Variants in AKNAD1 observed in about 807,000 individuals in gnomAD.
The protein encoded by AKNAD1 is protein AKNAD1.
AKNAD1 carries 67 observed loss-of-function variants against 90.8 expected under a neutral mutation model. That is an observed-to-expected ratio of 0.74 (90% CI 0.61 to 0.90). AKNAD1 has a LOEUF of 0.90. Ranked by LOEUF, AKNAD1 falls within the 40% of genes least tolerant of loss-of-function variation. AKNAD1 has a pLI of 0.00. For synonymous variants in AKNAD1, 327 were observed against 341.4 expected (o/e 0.96, Z 0.46); for missense variants, 957 against 975.4 (o/e 0.98, Z 0.25).
At chr1:108,829,403 T>C (rs746601850) in intron 10 of AKNAD1, among the ~76,000 whole-genome samples, 127 of 152,334 alleles carry the variant, frequency 8.3e-4, no homozygotes, top group Non-Finnish European at 1.6e-3. Flanking sequence ...TAAAAATGGT[T>C]CTTTAATGTC....
At position 108,837,698 on chromosome 1, in the gene AKNAD1, T is replaced by A; in HGVS notation, c.1388A>T (p.Glu463Val). The A allele has an allele frequency of 6.2e-7, 1 of 1,614,130 alleles. No individual in the cohort carries two copies. Among genetic ancestry groups the A allele is most frequent in the Non-Finnish European group, 8.5e-7 (1 of 1,179,986 alleles). Residue 463 changes from glutamate (E) to valine (V), a missense_variant, in exon 7 of 16, where the codon GAA becomes GTA. Glu to Val is a moderately radical substitution (Grantham distance 121). Coordinates refer to ENST00000370001, the MANE Select transcript of AKNAD1 (RefSeq NM_152763.5). ...CATCTCCAATTTGAAGATTTCACCT[T>A]CCACTTTTCTAAGTAAACATAAACA... ...VGDFDPERKV[E>V]GEIFKLEMLL...
chr1:108,830,764 A>G (rs2101178835), intron 9 of AKNAD1, 114 bp from the exon 10 acceptor site: 1 of 963,814 alleles, frequency 1.0e-6, no homozygotes. Context: ...CACCTCAGGC[A>G]GAGAGACTCG....
At chr1:108,845,234 C>G (rs1192887305) in intron 5 of AKNAD1, among the ~76,000 whole-genome samples, 2 of 152,228 alleles carry the variant, frequency 1.3e-5, no homozygotes, top group Non-Finnish European at 2.9e-5. Flanking sequence ...GGTTCATCCT[C>G]TTTCTCTGTG....
chr1:108,841,582 T>TA (rs1352654188), intron 6 of AKNAD1, among the ~76,000 whole-genome samples: 2 of 152,208 alleles, frequency 1.3e-5, no homozygotes, highest in African/African-American at 4.8e-5. Context: ...GAGAAGGCTT[T>TA]AATAAGAGCA....
chr1:108,848,975 C>A lies in AKNAD1; in HGVS notation c.1119G>T (p.Lys373Asn), dbSNP rs770587292. Residue 373 changes from lysine to asparagine, a missense_variant, in exon 4 of 16, where the codon AAG becomes AAT. Coordinates refer to ENST00000370001, the MANE Select transcript of AKNAD1 (RefSeq NM_152763.5). ...GACACATCTGTTTCCCTTGGGATAT[C>A]TTTTGAAATATGTAAGAAGAACTTG... ...TSSSSSYIFQ[K>N]ISQGKQMCQK... The A allele has an allele frequency of 1.3e-5, 21 of 1,611,164 alleles. No individual in the cohort carries two copies. The African/African-American group carries it at 2.1e-4, about 16-fold the overall frequency.
At chr1:108,826,751 T>G (rs1157960438) in intron 11 of AKNAD1, among the ~76,000 whole-genome samples, 3 of 148,666 alleles carry the variant, frequency 2.0e-5, no homozygotes, top group Non-Finnish European at 4.5e-5. Flanking sequence ...TCTTTTTTTT[T>G]TTTTTTGAAA....
At chr1:108,836,400 C>T (rs1023587051) in intron 7 of AKNAD1, among the ~76,000 whole-genome samples, 6 of 151,202 alleles carry the variant, frequency 4.0e-5, no homozygotes, top group African/African-American at 1.5e-4. Context: ...AAGATGAGTG[C>T]AGAGTCACAG....
chr1:108,834,886 T>C, intron 8 of AKNAD1, 43 bp downstream of exon 8: 1 of 1,499,322 alleles, frequency 6.7e-7, no homozygotes, highest in Admixed American at 2.5e-5. Flanking sequence ...AGGGGCCTCT[T>C]TCTGTGTCCT....
At position 108,826,988 on chromosome 1, in the gene AKNAD1, C is replaced by T. The variant is rs189326009; in HGVS notation, c.1936+217G>A. Among the ~76,000 whole-genome samples the T allele has an allele frequency of 1.4e-3, 209 of 151,556 alleles. 3 individuals carry two copies. The highest frequency in any genetic ancestry group is 0.014 in the Middle Eastern group (4 of 292). On this transcript the variant is annotated intron_variant, in intron 11 of 15. Transcript: ENST00000370001. ...AACTCCTGAGCTCAAGTGATCCACC[C>T]GCCTCAGCCTCCCAAAGTGCTGGAA...
rs1426492772 is a variant in AKNAD1, at chr1:108,848,935, G to A, written c.1159C>T (p.Gln387Ter). The A allele has an allele frequency of 1.6e-5, 26 of 1,607,024 alleles. No homozygotes were observed. The highest frequency in any genetic ancestry group is 2.1e-5 in the Non-Finnish European group (25 of 1,178,096). ...ACTTTAGTCTTCAGTTGATCAGTCTGTTCTTTCAACTTCTGACACATCTGT... is the reference window on the plus strand; with the variant it reads ...ACTTTAGTCTTCAGTTGATCAGTCTATTCTTTCAACTTCTGACACATCTGT... ...GKQMCQKLKE[Q>*]TDQLKTKVQE... The change falls in exon 4 of 16, where the codon CAG becomes TAG. Residue 387 changes from glutamine to a stop codon, truncating the protein, a stop_gained. Coordinates refer to ENST00000370001, the MANE Select transcript of AKNAD1 (RefSeq NM_152763.5). LOFTEE classifies it high-confidence loss of function.
chr1:108,825,420 T>C (rs140290623), intron 11 of AKNAD1, among the ~76,000 whole-genome samples: 1 of 151,894 alleles, frequency 6.6e-6, no homozygotes, highest in African/African-American at 2.4e-5. Flanking sequence ...AAAATAAAGA[T>C]AATCATTCCT....
At chr1:108,850,350 C>T (rs1277204) in intron 2 of AKNAD1, among the ~76,000 whole-genome samples, 6 of 152,252 alleles carry the variant, frequency 3.9e-5, no homozygotes, top group Admixed American at 2.0e-4. Context: ...TACCTGACCT[C>T]GAACCCCCAT....
chr1:108,852,892 A>ATGAT, intron 1 of AKNAD1, 125 bp from the exon 2 acceptor site: 2 of 373,046 alleles, frequency 5.4e-6, no homozygotes, highest in Admixed American at 4.5e-5. Context: ...CAGGAAGCTC[A>ATGAT]ACCACAAGCT....
chr1:108,853,272 C>T (rs1029516723), intron 1 of AKNAD1, among the ~76,000 whole-genome samples: 6 of 151,966 alleles, frequency 3.9e-5, no homozygotes. Flanking sequence ...GCCGGGACTA[C>T]AGGTGCCCGC....
Position 108,816,132 on chromosome 1 carries a change from C to CG in AKNAD1, c.*38_*39insC. 1 of 1,354,926 alleles carries CG rather than the reference C, an allele frequency of 7.4e-7. No individual in the cohort carries two copies. Among genetic ancestry groups the CG allele is most frequent in the Middle Eastern group, 1.9e-4 (1 of 5,342 alleles). The allele number at this position is 1,354,926 out of a possible 1,614,324, so 83.9% of individuals were successfully genotyped here. A position where few individuals can be genotyped will look rare whatever the true frequency, so the allele number is the denominator to read the frequency against. On this transcript the variant is annotated 3_prime_UTR_variant, in exon 16 of 16. Transcript: ENST00000370001. ...TTGGGGGAAGATCAAGTTTTCTTTG[C>CG]ATTTTTTTCTTTTGAATCCTTGGTA...
chr1:108,838,300 C>T (rs1310505841), intron 6 of AKNAD1, among the ~76,000 whole-genome samples: 2 of 142,654 alleles, frequency 1.4e-5, no homozygotes, highest in Non-Finnish European at 3.0e-5. Flanking sequence ...TATCACTAGA[C>T]ATTAACAACA....
At chr1:108,835,696 C>T (rs1664359898) in intron 7 of AKNAD1, among the ~76,000 whole-genome samples, 1 of 151,582 alleles carries the variant, frequency 6.6e-6, no homozygotes, top group Non-Finnish European at 1.5e-5. Context: ...GCAATCTCGG[C>T]TCACTGCAAC....
At position 108,827,208 on chromosome 1, in the gene AKNAD1, G is replaced by A. The variant is rs145703408; in HGVS notation, c.1933C>T (p.Pro645Ser). 1.6e-5 allele frequency: 26 copies of A among 1,607,584 alleles called. No homozygotes were observed. In the African/African-American group the frequency reaches 3.2e-4, roughly 20 times the overall value. ...CAGCCCAAGCCCATCAACTTACTGG[G>A]AGTTGAATCTGAGTGTGGTGCCTTT... ...HEKAPHSDST[P>S]NSDTGHSFCS... The change falls in exon 11 of 16, where the codon CCC (proline) becomes TCC (serine). Residue 645 changes from proline (P) to serine (S), a missense_variant. By Grantham distance (74) the Pro-to-Ser change is moderately conservative. Transcript: ENST00000370001.
Position 108,816,242 on chromosome 1 carries a change from C to G in AKNAD1, c.2440G>C (p.Asp814His). Residue 814 changes from aspartate (D) to histidine (H), a missense_variant, in exon 16 of 16, where the codon GAT (aspartate) becomes CAT (histidine). Coordinates refer to ENST00000370001, the MANE Select transcript of AKNAD1 (RefSeq NM_152763.5). ...RTATILKETT[D>H]QMIKTIAEDL... ...TCTGCAATCGTTTTAATCATTTGATCTGTAGTTTCTTTCAAAATGGTTGCT... is the reference window on the plus strand; with the variant it reads ...TCTGCAATCGTTTTAATCATTTGATGTGTAGTTTCTTTCAAAATGGTTGCT... 2 of 1,613,804 alleles carry G rather than the reference C, an allele frequency of 1.2e-6. No individual in the cohort carries two copies. The highest frequency in any genetic ancestry group is 8.5e-7 in the Non-Finnish European group (1 of 1,179,876).
Sources: gnomAD v4.1 joint callset for allele counts (sites outside exome capture counted in the v4.1 genomes callset) on GRCh38, gnomAD v4.1.1 for gene constraint, MANE v1.5 for transcripts, NCBI Gene and HGNC (gene_info 2026-07-23, HGNC 2026-07-21) for gene names.